The following EBF1 variants were observed in gnomAD, a reference collection of about 807,000 sequenced individuals.
The protein encoded by EBF1 is EBF transcription factor 1, also known as transcription factor COE1.
In EBF1, 10 loss-of-function variants were observed where a neutral mutation model predicts 68.4. The observed-to-expected ratio is 0.15, with a 90% CI of 0.09 to 0.25. EBF1 has a LOEUF of 0.25. EBF1 is among the 10% of genes least tolerant of loss of function. The pLI is 1.00. For synonymous variants in EBF1, 298 were observed against 299.8 expected (o/e 0.99, Z 0.06); for missense variants, 509 against 794.4 (o/e 0.64, Z 4.32).
At chr5:158,895,459 C>A (rs1337110327) in intron 6 of EBF1, among the ~76,000 whole-genome samples, 1 of 152,184 alleles carries the variant, frequency 6.6e-6, no homozygotes, top group Admixed American at 6.6e-5. Context: ...TTACAGAGTA[C>A]TTACTATACG....
At chr5:158,877,615 C>T (rs1266935438) in intron 6 of EBF1, among the ~76,000 whole-genome samples, 1 of 152,154 alleles carries the variant, frequency 6.6e-6, no homozygotes, top group African/African-American at 2.4e-5. Flanking sequence ...TAAATTATTT[C>T]ATTCCTGTTA....
At chr5:158,746,403 G>C (rs1399478225) in intron 10 of EBF1, among the ~76,000 whole-genome samples, 1 of 152,154 alleles carries the variant, frequency 6.6e-6, no homozygotes, top group Non-Finnish European at 1.5e-5. Context: ...CTTAGAGACT[G>C]GATCTGTATT....
At chr5:158,701,796 G>A (rs1756831825) in intron 15 of EBF1, among the ~76,000 whole-genome samples, 1 of 152,212 alleles carries the variant, frequency 6.6e-6, no homozygotes, top group Non-Finnish European at 1.5e-5. Flanking sequence ...ACAAATATAT[G>A]GGTCTAGGGG....
Position 158,696,634 on chromosome 5 carries a change from T to A in EBF1, c.*2477A>T, listed in dbSNP as rs1755799558. 4.7e-6 allele frequency: 1 copy of A among 215,000 alleles called. No homozygotes were observed. Among genetic ancestry groups the A allele is most frequent in the African/African-American group, 2.3e-5 (1 of 44,232 alleles). The allele number at this position is 215,000 out of a possible 1,614,324, so 13.3% of individuals were successfully genotyped here. A position where few individuals can be genotyped will look rare whatever the true frequency, so the allele number is the denominator to read the frequency against. ...TCCACCTTGCTTACATTTTCCAGTT[T>A]TTTTTATTATTATTAGTCATCATTA... On this transcript the variant is annotated 3_prime_UTR_variant, in exon 16 of 16. Coordinates refer to ENST00000313708, the MANE Select transcript of EBF1 (RefSeq NM_024007.5).
intron 9 of EBF1, among the ~76,000 whole-genome samples, chr5:158,789,943 C>T (rs935250010): frequency 2.0e-5 from 3 of 152,278 alleles, no homozygotes; most frequent in African/African-American, 7.2e-5. Context: ...TGAAGGACTG[C>T]ATTTACCACT....
chr5:159,099,548 A>G lies in EBF1; in HGVS notation c.-70T>C. 2 of 1,385,736 alleles carry G rather than the reference A, an allele frequency of 1.4e-6. No homozygotes were observed. Among genetic ancestry groups the G allele is most frequent in the South Asian group, 1.7e-5 (1 of 59,642 alleles). 85.8% of individuals were successfully genotyped at this position (1,385,736 alleles called of 1,614,324 possible). Reference sequence around the variant, plus strand: ...AATTAAAAAAAAAAAAAAAGGAAAGAAAAGAAAGAAAAGAAAAGAAACAAA... The same window carrying G: ...AATTAAAAAAAAAAAAAAAGGAAAGGAAAGAAAGAAAAGAAAAGAAACAAA... On this transcript the variant is annotated 5_prime_UTR_variant, in exon 1 of 16. Transcript: ENST00000313708.
intron 8 of EBF1, 67 bp from the exon 9 acceptor site, chr5:158,796,542 C>A: frequency 6.7e-7 from 1 of 1,484,978 alleles, no homozygotes; most frequent in Admixed American, 2.2e-5. Flanking sequence ...ATGATGAAGA[C>A]TTGAGAAAAA....
At chr5:158,741,989 G>A (rs923363663) in intron 10 of EBF1, among the ~76,000 whole-genome samples, 11 of 152,164 alleles carry the variant, frequency 7.2e-5, no homozygotes, top group African/African-American at 2.4e-4. Flanking sequence ...GGCTTGGAGA[G>A]TTCAGACTTT....
chr5:159,036,049 A>G (rs1305486830), intron 6 of EBF1, among the ~76,000 whole-genome samples: 1 of 152,174 alleles, frequency 6.6e-6, no homozygotes, highest in Non-Finnish European at 1.5e-5. Flanking sequence ...CTTGGTTCTT[A>G]GGGAATATTG....
intron 6 of EBF1, among the ~76,000 whole-genome samples, chr5:158,864,866 T>A (rs1180778869): frequency 6.6e-6 from 1 of 152,148 alleles, no homozygotes; most frequent in Non-Finnish European, 1.5e-5. Context: ...CGACGGCAGT[T>A]CCAGGAGAGG....
intron 6 of EBF1, among the ~76,000 whole-genome samples, chr5:159,028,354 A>G (rs999721093): frequency 6.6e-6 from 1 of 152,176 alleles, no homozygotes; most frequent in Non-Finnish European, 1.5e-5. Context: ...AGAAAATCTA[A>G]GCTTCTGAAA....
intron 6 of EBF1, among the ~76,000 whole-genome samples, chr5:158,857,340 ACT>A (rs746411510): frequency 2.6e-5 from 4 of 151,230 alleles, no homozygotes; most frequent in Non-Finnish European, 5.9e-5. Flanking sequence ...ATCTCTCCAA[ACT>A]CTCTCCTCTG....
Position 159,060,467 on chromosome 5 carries a change from C to T in EBF1, c.554+12929G>A, listed in dbSNP as rs141531913. Among the ~76,000 whole-genome samples, 286 of 152,332 alleles carry T rather than the reference C, an allele frequency of 1.9e-3. 3 individuals are homozygous for T. The highest frequency in any genetic ancestry group is 6.4e-3 in the African/African-American group (266 of 41,570). ...TCTTCAATTCCTGATTGAATAAATACTGCATCCTCCAAAACTATTCACCTT... is the reference window on the plus strand; with the variant it reads ...TCTTCAATTCCTGATTGAATAAATATTGCATCCTCCAAAACTATTCACCTT... On this transcript the variant is annotated intron_variant, in intron 6 of 15. Coordinates refer to ENST00000313708, the MANE Select transcript of EBF1 (RefSeq NM_024007.5).
At position 158,843,317 on chromosome 5, in the gene EBF1, T is replaced by C. The variant is rs565471794; in HGVS notation, c.555-3207A>G. Among the ~76,000 whole-genome samples the C allele has an allele frequency of 1.3e-4, 20 of 152,298 alleles. No homozygotes were observed. In the South Asian group the frequency reaches 3.7e-3, roughly 28 times the overall value. On this transcript the variant is annotated intron_variant, in intron 6 of 15. Coordinates refer to ENST00000313708, the MANE Select transcript of EBF1 (RefSeq NM_024007.5). The stretch of plus-strand genomic sequence containing the variant: ...AGCCACCATGAGGGGGTCCATCTGG[T>C]GCCAAAATGAATTTTGAAAGACAGG...
chr5:158,998,867 T>G (rs938523394), intron 6 of EBF1, among the ~76,000 whole-genome samples: 1 of 152,190 alleles, frequency 6.6e-6, no homozygotes, highest in Non-Finnish European at 1.5e-5. Flanking sequence ...CAAACAGATC[T>G]TTGATTCCCC....
chr5:159,085,676 C>A (rs539597637), intron 4 of EBF1, among the ~76,000 whole-genome samples: 2 of 152,292 alleles, frequency 1.3e-5, no homozygotes, highest in South Asian at 4.1e-4. Flanking sequence ...AAATTGTTAA[C>A]AAAATTACTT....
At chr5:158,897,218 C>T (rs768509716) in intron 6 of EBF1, among the ~76,000 whole-genome samples, 28 of 152,080 alleles carry the variant, frequency 1.8e-4, no homozygotes, top group Non-Finnish European at 2.5e-4. Flanking sequence ...ACATACACAC[C>T]ATGGAATACT....
intron 6 of EBF1, among the ~76,000 whole-genome samples, chr5:158,848,814 G>A (rs1286458030): frequency 1.3e-5 from 2 of 152,140 alleles, no homozygotes; most frequent in Admixed American, 6.5e-5. Flanking sequence ...GGACTCAGAG[G>A]GTTTCGATAT....
rs73300071 is a variant in EBF1 at position 158,894,987 on chromosome 5, T to C, written c.555-54877A>G. On this transcript the variant is annotated intron_variant, in intron 6 of 15. Transcript: ENST00000313708. ...ATACTGTATATTATGTAACAACCCA[T>C]CAGTGAAATATATAAATATGAACAT... 1.0e-3 allele frequency among the ~76,000 whole-genome samples: 152 copies of C among 152,288 alleles called. 1 individual carries two copies. Among genetic ancestry groups the C allele is most frequent in the African/African-American group, 3.6e-3 (148 of 41,570 alleles).
Sources: gnomAD v4.1 joint callset for allele counts (sites outside exome capture counted in the v4.1 genomes callset) on GRCh38, gnomAD v4.1.1 for gene constraint, MANE v1.5 for transcripts, NCBI Gene and HGNC (gene_info 2026-07-23, HGNC 2026-07-21) for gene names.